The following NCLN variants were observed in gnomAD, a reference collection of about 807,000 sequenced individuals.
NCLN encodes the protein BOS complex subunit NCLN.
In NCLN, 34 loss-of-function variants were observed where a neutral mutation model predicts 69.5. The observed-to-expected ratio is 0.49, with a 90% CI of 0.37 to 0.65. The LOEUF is 0.65. Among genes scored for constraint, NCLN ranks in the 30% least tolerant of loss-of-function variants. The pLI is 0.00. For missense variants in NCLN, 710 were observed against 804.8 expected (o/e 0.88, Z 1.42); for synonymous variants, 393 against 358.3 (o/e 1.10, Z -1.09).
chr19:3,190,415 G>A (rs754256617), intron 1 of NCLN, among the ~76,000 whole-genome samples: 26 of 151,962 alleles, frequency 1.7e-4, no homozygotes, highest in Non-Finnish European at 3.1e-4. Flanking sequence ...CCTGTGTCCC[G>A]CCTGTCCCCC....
chr19:3,201,038 G>T (rs1916112544), intron 5 of NCLN, among the ~76,000 whole-genome samples: 2 of 152,200 alleles, frequency 1.3e-5, no homozygotes, highest in South Asian at 4.1e-4. Flanking sequence ...GATCACAAAG[G>T]TGCATCCAAG....
chr19:3,194,744 CTTTTTTT>C (rs745406038), intron 3 of NCLN, among the ~76,000 whole-genome samples: 1 of 136,490 alleles, frequency 7.3e-6, no homozygotes, highest in Non-Finnish European at 1.6e-5. Flanking sequence ...GAGTCGTCTT[CTTTTTTT>C]TTTTTTTTTT....
intron 4 of NCLN, 152 bp from the exon 5 acceptor site, chr19:3,198,665 G>A: frequency 4.0e-6 from 2 of 503,514 alleles, no homozygotes; most frequent in Non-Finnish European, 3.4e-6. Context: ...AGAGTCAGAG[G>A]CTGGCACCTC....
intron 3 of NCLN, among the ~76,000 whole-genome samples, chr19:3,195,522 TC>T (rs1915933265): frequency 6.6e-6 from 1 of 152,186 alleles, no homozygotes; most frequent in South Asian, 2.1e-4. Flanking sequence ...GTGCTGGTAT[TC>T]CAGGTGTGAG....
At position 3,207,428 on chromosome 19, in the gene NCLN, G is replaced by A. The variant is rs779258838; in HGVS notation, c.1591G>A (p.Gly531Ser). 1.2e-6 allele frequency: 2 copies of A among 1,613,064 alleles called. No individual in the cohort carries two copies. The highest frequency in any genetic ancestry group is 2.2e-5 in the East Asian group (1 of 44,874). Reference protein sequence around the residue: ...PAVFDLLLAVGIAAYLGMAYV... With the variant: ...PAVFDLLLAVSIAAYLGMAYV... ...CGTCTTTGACCTGCTCCTGGCTGTT[G>A]GCATTGCTGCCTACCTCGGCATGGC... The change falls in exon 14 of 15, where the codon GGC becomes AGC. Residue 531 changes from glycine to serine, a missense_variant. Physicochemically the swap from Gly to Ser is moderately conservative, Grantham distance 56. Transcript: ENST00000246117.
chr19:3,187,215 C>G (rs934341229), intron 1 of NCLN, among the ~76,000 whole-genome samples: 2 of 152,228 alleles, frequency 1.3e-5, no homozygotes, highest in African/African-American at 2.4e-5. Context: ...CGCCCCCTCC[C>G]GTCGTGGCCC....
rs1468517165 is a variant in NCLN, at chr19:3,196,199, C to T, written c.537C>T (p.Ala179=). 6.4e-7 allele frequency: 1 copy of T among 1,554,112 alleles called. No individual in the cohort carries two copies. Among genetic ancestry groups the T allele is most frequent in the Non-Finnish European group, 8.7e-7 (1 of 1,148,368 alleles). ...ASAAEVLLRT[A]TANGFQMVTS... Reference sequence around the variant, plus strand: ...TCTCCCTAGTACTGCTGCGCACGGCCACTGCCAACGGCTTCCAGATGGTCA... The same window carrying T: ...TCTCCCTAGTACTGCTGCGCACGGCTACTGCCAACGGCTTCCAGATGGTCA... Residue 179 remains alanine, a synonymous_variant, in exon 4 of 15, where the codon GCC becomes GCT. Transcript: ENST00000246117.
At chr19:3,199,002 G>T (rs1201602600) in intron 5 of NCLN, 105 bp downstream of exon 5, 1 of 762,880 alleles carries the variant, frequency 1.3e-6, no homozygotes, top group South Asian at 3.0e-5. Context: ...CAGGGTCAGC[G>T]GCTCTCCCTG....
intron 6 of NCLN, among the ~76,000 whole-genome samples, chr19:3,202,378 T>G (rs1315672169): frequency 2.6e-5 from 4 of 152,162 alleles, no homozygotes; most frequent in Non-Finnish European, 5.9e-5. Context: ...GGATGTCTTC[T>G]GTGCATGACT....
chr19:3,187,886 G>A (rs920534014), intron 1 of NCLN, among the ~76,000 whole-genome samples: 1 of 152,096 alleles, frequency 6.6e-6, no homozygotes, highest in African/African-American at 2.4e-5. Flanking sequence ...TTTTCCCGGG[G>A]GAAGGGTCCT....
At chr19:3,190,378 C>G (rs112360720) in intron 1 of NCLN, among the ~76,000 whole-genome samples, 26 of 152,264 alleles carry the variant, frequency 1.7e-4, no homozygotes, top group African/African-American at 6.3e-4. Context: ...GTGCTGCACC[C>G]GAGACCCCGC....
Position 3,205,754 on chromosome 19 carries a change from G to T in NCLN, c.1209-185G>T. 1.6e-6 allele frequency: 1 copy of T among 612,172 alleles called. No homozygotes were observed. The highest frequency in any genetic ancestry group is 2.0e-5 in the South Asian group (1 of 50,018). The allele number at this position is 612,172 out of a possible 1,614,324, so 37.9% of individuals were successfully genotyped here. A position where few individuals can be genotyped will look rare whatever the true frequency, so the allele number is the denominator to read the frequency against. The stretch of plus-strand genomic sequence containing the variant: ...GGGTCAGGGCAAGGGGCCTGGAGGT[G>T]TGGGGCCCCCAGTGAATCTGCATCT... On this transcript the variant is annotated intron_variant, in intron 9 of 14. Coordinates refer to ENST00000246117, the MANE Select transcript of NCLN (RefSeq NM_020170.4). The surrounding 1 kb of genome is among the most constrained non-coding windows in gnomAD (Gnocchi z 4.6).
intron 13 of NCLN, 64 bp from the exon 14 acceptor site, chr19:3,207,327 G>C (rs1325957704): frequency 1.2e-6 from 2 of 1,612,390 alleles, no homozygotes; most frequent in Non-Finnish European, 1.7e-6. Flanking sequence ...GCCCACGGGG[G>C]TCTAGGGGTT....
rs974128691 is a variant in NCLN at position 3,208,279 on chromosome 19, C to T, written c.*591C>T. 1.3e-5 allele frequency: 2 copies of T among 152,372 alleles called. No homozygotes were observed. The highest frequency in any genetic ancestry group is 2.9e-5 in the Non-Finnish European group (2 of 68,122). 9.4% of individuals were successfully genotyped at this position (152,372 alleles called of 1,614,324 possible). On this transcript the variant is annotated 3_prime_UTR_variant, in exon 15 of 15. Transcript: ENST00000246117. Reference sequence around the variant, plus strand: ...TCCCCATGTGGTCTCAGTGACCCGTCCCCCTGACAGTGGGCTCGGGGAGCT... The same window carrying T: ...TCCCCATGTGGTCTCAGTGACCCGTTCCCCTGACAGTGGGCTCGGGGAGCT...
At position 3,204,734 on chromosome 19, in the gene NCLN, C is replaced by T. The variant is rs61745459; in HGVS notation, c.1191C>T (p.Ser397=). The T allele has an allele frequency of 2.9e-3, 4,497 of 1,559,636 alleles. 7 individuals are homozygous for T. Among genetic ancestry groups the T allele is most frequent in the Middle Eastern group, 4.2e-3 (24 of 5,752 alleles). Reference sequence around the variant, plus strand: ...AGAGCCACCGTGACGGCCAGCGCAGCAGCATCATGGACGTGCGGTGAGCGC... The same window carrying T: ...AGAGCCACCGTGACGGCCAGCGCAGTAGCATCATGGACGTGCGGTGAGCGC... ...HLESHRDGQR[S]SIMDVRSRVD... is the part of the protein sequence containing the mutation. Residue 397 remains serine (S), a synonymous_variant, in exon 9 of 15, where the codon AGC becomes AGT. Transcript: ENST00000246117.
At position 3,206,035 on chromosome 19, in the gene NCLN, T is replaced by C. The variant is rs748032759; in HGVS notation, c.1296+9T>C. 45 of 1,612,004 alleles carry C rather than the reference T, an allele frequency of 2.8e-5. No homozygotes were observed. Among genetic ancestry groups the C allele is most frequent in the Non-Finnish European group, 3.5e-5 (41 of 1,179,894 alleles). On this transcript the variant is annotated intron_variant, in intron 10 of 14. Transcript: ENST00000246117. ...ACAACCTGACAGAGAAGGTGAGCCC[T>C]GAGCCCTCTGTGCCGCCAGACCCAG...
intron 12 of NCLN, 94 bp downstream of exon 12, chr19:3,206,519 C>G: frequency 1.4e-6 from 2 of 1,381,376 alleles, no homozygotes; most frequent in Non-Finnish European, 9.6e-7. Flanking sequence ...CTGGGGGATG[C>G]CAGGTGGAGC....
chr19:3,192,488 T>TGAACACGGAGGC lies in NCLN; in HGVS notation c.205_216dup (p.Asn69_Ala72dup). ...CCCACAGGCACACGGAATGCAGTGC[T>TGAACACGGAGGC]GAACACGGAGGCGCGCACGATGGCG... On this transcript the variant is annotated inframe_insertion, in exon 2 of 15. Coordinates refer to ENST00000246117, the MANE Select transcript of NCLN (RefSeq NM_020170.4). The TGAACACGGAGGC allele has an allele frequency of 6.2e-7, 1 of 1,604,570 alleles. No homozygotes were observed. The highest frequency in any genetic ancestry group is 8.5e-7 in the Non-Finnish European group (1 of 1,177,360).
chr19:3,206,405 C>T lies in NCLN; in HGVS notation c.1479C>T (p.His493=). 1.3e-6 allele frequency: 2 copies of T among 1,547,852 alleles called. No homozygotes were observed. Among genetic ancestry groups the T allele is most frequent in the Non-Finnish European group, 1.7e-6 (2 of 1,146,786 alleles). ...GCTACCTGAAGGACGTGAAGCAGCACCACGTCAAGGCTGACAAGCGGTGAG... is the reference window on the plus strand; with the variant it reads ...GCTACCTGAAGGACGTGAAGCAGCATCACGTCAAGGCTGACAAGCGGTGAG... ...LSRYLKDVKQ[H]HVKADKRDPE... The change falls in exon 12 of 15, where the codon CAC becomes CAT. Residue 493 remains histidine (H), a synonymous_variant. Transcript: ENST00000246117.
Sources: gnomAD v4.1 joint callset for allele counts (sites outside exome capture counted in the v4.1 genomes callset) on GRCh38, gnomAD v4.1.1 for gene constraint, Gnocchi (gnomAD v3.1) non-coding constraint, MANE v1.5 for transcripts, NCBI Gene and HGNC (gene_info 2026-07-23, HGNC 2026-07-21) for gene names.